CD37: variants seen among roughly 807,000 people sequenced by gnomAD.
CD37 encodes the protein CD37 molecule.
CD37 carries 37 observed loss-of-function variants against 38.9 expected under a neutral mutation model. The observed-to-expected ratio is 0.95, with a 90% confidence interval of 0.73 to 1.25. The LOEUF (loss-of-function observed/expected upper bound fraction) is 1.25. CD37 is among the 50% of genes most tolerant of loss of function. The pLI, the probability that CD37 is intolerant of heterozygous loss-of-function variation, is 0.00. For synonymous variants in CD37, 146 were observed against 150.1 expected, an observed-to-expected ratio of 0.97 and a Z score of 0.20; for missense variants, 351 against 360.1, an observed-to-expected ratio of 0.97 and a Z score of 0.20.
Position 49,337,015 on chromosome 19 carries a change from C to G in CD37, c.249C>G (p.Leu83=). Residue 83 remains leucine (L), a synonymous_variant, in exon 3 of 8, where the codon CTC becomes CTG. Coordinates refer to ENST00000323906, the MANE Select transcript of CD37 (RefSeq NM_001774.3). ...LLGCVGALKE[L]RCLLGLYFGM... ...GTTGTGTGGGGGCCCTCAAGGAGCT[C>G]CGCTGCCTCCTGGGCCTGGTGAGTG... The G allele has an allele frequency of 1.2e-6, 2 of 1,613,364 alleles. No individual in the cohort carries two copies. The highest frequency in any genetic ancestry group is 2.7e-5 in the African/African-American group (2 of 75,066).
In CD37 at chr19:49,339,697, G is replaced by A. The variant is rs1971130318; in HGVS notation, c.768+284G>A. 28 of 1,411,588 alleles carry A rather than the reference G, an allele frequency of 2.0e-5. No individual in the cohort carries two copies. The highest frequency in any genetic ancestry group is 2.1e-5 in the Non-Finnish European group (23 of 1,088,532). 87.4% of individuals were successfully genotyped at this position (1,411,588 alleles called of 1,614,324 possible). A position where few individuals can be genotyped will look rare whatever the true frequency, so the allele number is the denominator to read the frequency against. ...GCTGAGCGTACAGCTACAGCGCAGG[G>A]CACTCCGCCGGAAATGCGAGCCGCA... On this transcript the variant is annotated intron_variant, in intron 7 of 7. Transcript: ENST00000323906. The surrounding 1 kb of genome is among the most constrained non-coding windows in gnomAD (Gnocchi z 4.5).
In CD37 at chr19:49,335,563, T is replaced by G. The variant is rs992406929; in HGVS notation, c.23T>G (p.Leu8Arg). 1.9e-6 allele frequency: 3 copies of G among 1,614,010 alleles called. No homozygotes were observed. The highest frequency in any genetic ancestry group is 2.5e-6 in the Non-Finnish European group (3 of 1,179,910). ...AAGATGTCAGCCCAGGAGAGCTGCCTCAGCCTCATCAAGTACTTCCTCTTC... is the reference window on the plus strand; with the variant it reads ...AAGATGTCAGCCCAGGAGAGCTGCCGCAGCCTCATCAAGTACTTCCTCTTC... MSAQESC[L>R]SLIKYFLFVF... Residue 8 changes from leucine (L) to arginine (R), a missense_variant, in exon 1 of 8, where the codon CTC becomes CGC. Leu to Arg is a moderately radical substitution (Grantham distance 102, BLOSUM62 -2). Coordinates refer to ENST00000323906, the MANE Select transcript of CD37 (RefSeq NM_001774.3). This position sits in a 1 kb window ranked among gnomAD's most constrained non-coding sequence, Gnocchi z 4.6.
rs140821686 is a variant in CD37, at chr19:49,336,988, G to A, written c.222G>A (p.Leu74=). The A allele has an allele frequency of 3.7e-5, 60 of 1,613,842 alleles. No homozygotes were observed. Among genetic ancestry groups the A allele is most frequent in the Non-Finnish European group, 5.1e-5 (60 of 1,179,882 alleles). ...SGIFTMGIAL[L]GCVGALKELR... ...TCTTCACCATGGGCATCGCCCTCCT[G>A]GGTTGTGTGGGGGCCCTCAAGGAGC... The change falls in exon 3 of 8, where the codon CTG becomes CTA. Residue 74 remains leucine (L), a synonymous_variant. Coordinates refer to ENST00000323906, the MANE Select transcript of CD37 (RefSeq NM_001774.3).
At chr19:49,337,311 G>C in intron 4 of CD37, 90 bp downstream of exon 4, 2 of 1,207,324 alleles carry the variant, frequency 1.7e-6, no homozygotes, top group Middle Eastern at 1.9e-4. Context: ...CCGAAACAAG[G>C]GCAGACAGGG....
intron 4 of CD37, 79 bp from the exon 5 acceptor site, chr19:49,337,846 C>T (rs1971015845): frequency 3.1e-6 from 5 of 1,599,306 alleles, no homozygotes; most frequent in Non-Finnish European, 3.4e-6. Flanking sequence ...GCACAGGGCC[C>T]GCCTGAGGCT....
In CD37 at chr19:49,338,325, GCTTCCTA is replaced by G. The variant is rs1175587306; in HGVS notation, c.447+298_447+304del. ...AGTCCCAAGACCCTAGCGAGACACGGCTTCCTACCCCGTAGTGACTCTGGCTTCCACC... is the reference window on the plus strand; with the variant it reads ...AGTCCCAAGACCCTAGCGAGACACGGCCCCGTAGTGACTCTGGCTTCCACC... On this transcript the variant is annotated intron_variant, in intron 5 of 7. Coordinates refer to ENST00000323906, the MANE Select transcript of CD37 (RefSeq NM_001774.3). The surrounding 1 kb of genome is among the most constrained non-coding windows in gnomAD (Gnocchi z 5.0). The G allele has an allele frequency of 2.9e-6, 2 of 696,330 alleles. No individual in the cohort carries two copies. Among genetic ancestry groups the G allele is most frequent in the East Asian group, 5.9e-5 (2 of 33,694 alleles). 43.1% of individuals were successfully genotyped at this position (696,330 alleles called of 1,614,324 possible). A position where few individuals can be genotyped will look rare whatever the true frequency, so the allele number is the denominator to read the frequency against.
At position 49,339,013 on chromosome 19, in the gene CD37, G is replaced by T; in HGVS notation, c.684+77G>T. The T allele has an allele frequency of 8.3e-7, 1 of 1,201,732 alleles. No individual in the cohort carries two copies. 74.4% of individuals were successfully genotyped at this position (1,201,732 alleles called of 1,614,324 possible). A position where few individuals can be genotyped will look rare whatever the true frequency, so the allele number is the denominator to read the frequency against. On this transcript the variant is annotated intron_variant, in intron 6 of 7. Transcript: ENST00000323906. This position sits in a 1 kb window ranked among gnomAD's most constrained non-coding sequence, Gnocchi z 4.5. ...AGGGGGAGGGCTGTCAGTGAGTAGC[G>T]GCCTGAGAAAGGGCGGGGTCTACGA...
Position 49,340,253 on chromosome 19 carries a change from CG to C in CD37, c.774del (p.Phe259SerfsTer2), listed in dbSNP as rs1568553061. 5.0e-6 allele frequency: 8 copies of C among 1,612,996 alleles called. No individual in the cohort carries two copies. The highest frequency in any genetic ancestry group is 6.8e-6 in the Non-Finnish European group (8 of 1,179,324). On this transcript the variant is annotated frameshift_variant, in exon 8 of 8. Transcript: ENST00000323906. LOFTEE classifies it high-confidence loss of function. ...GACCTCATCTCCTTTCTCTATAGCT[CG>C]GGTTCATGACGCTCTCGATATTCCT... is the stretch of plus-strand genomic sequence containing the variant. The part of the protein sequence containing the change: ...ICLGVGLLEL[G>X]FMTLSIFLCR...
chr19:49,338,230 C>G lies in CD37; in HGVS notation c.447+201C>G. On this transcript the variant is annotated intron_variant, in intron 5 of 7. Coordinates refer to ENST00000323906, the MANE Select transcript of CD37 (RefSeq NM_001774.3). This position sits in a 1 kb window ranked among gnomAD's most constrained non-coding sequence, Gnocchi z 5.0. ...TGGTCTCCCAGTACCCAGACCCTGG[C>G]GTGGCTTCGCCATCTACCTCGAGAG... 7.0e-7 allele frequency: 1 copy of G among 1,421,974 alleles called. No individual in the cohort carries two copies. The allele number at this position is 1,421,974 out of a possible 1,614,324, so 88.1% of individuals were successfully genotyped here.
chr19:49,339,743 C>G lies in CD37; in HGVS notation c.768+330C>G. The G allele has an allele frequency of 7.2e-7, 1 of 1,385,208 alleles. No individual in the cohort carries two copies. Among genetic ancestry groups the G allele is most frequent in the Non-Finnish European group, 9.3e-7 (1 of 1,073,404 alleles). 85.8% of individuals were successfully genotyped at this position (1,385,208 alleles called of 1,614,324 possible). On this transcript the variant is annotated intron_variant, in intron 7 of 7. Coordinates refer to ENST00000323906, the MANE Select transcript of CD37 (RefSeq NM_001774.3). This position sits in a 1 kb window ranked among gnomAD's most constrained non-coding sequence, Gnocchi z 4.5. ...CCGCACGTGCCGGGCGCTGGGGATT[C>G]GAGCCCCGGGCCCAGCCTGATCGCT...
chr19:49,339,562 A>T lies in CD37; in HGVS notation c.768+149A>T. 19 of 1,461,754 alleles carry T rather than the reference A, an allele frequency of 1.3e-5. No individual in the cohort carries two copies. Among genetic ancestry groups the T allele is most frequent in the Non-Finnish European group, 1.7e-5 (19 of 1,102,920 alleles). The allele number at this position is 1,461,754 out of a possible 1,614,324, so 90.5% of individuals were successfully genotyped here. A position where few individuals can be genotyped will look rare whatever the true frequency, so the allele number is the denominator to read the frequency against. ...CTCCCGCCGCTCCACCCAGCACCGG[A>T]GGGTGGGGGCGGCCCAGCTTCAGGG... is the stretch of plus-strand genomic sequence containing the variant. On this transcript the variant is annotated intron_variant, in intron 7 of 7. Transcript: ENST00000323906. This position sits in a 1 kb window ranked among gnomAD's most constrained non-coding sequence, Gnocchi z 4.5.
At chr19:49,336,832 G>A in intron 2 of CD37, 77 bp from the exon 3 acceptor site, 2 of 1,545,928 alleles carry the variant, frequency 1.3e-6, no homozygotes, top group Non-Finnish European at 1.8e-6. Context: ...CCCCACTTGG[G>A]TGGCTGCCTA....
chr19:49,339,699 A>T lies in CD37; in HGVS notation c.768+286A>T. On this transcript the variant is annotated intron_variant, in intron 7 of 7. Transcript: ENST00000323906. This position sits in a 1 kb window ranked among gnomAD's most constrained non-coding sequence, Gnocchi z 4.5. Reference sequence around the variant, plus strand: ...TGAGCGTACAGCTACAGCGCAGGGCACTCCGCCGGAAATGCGAGCCGCACG... The same window carrying T: ...TGAGCGTACAGCTACAGCGCAGGGCTCTCCGCCGGAAATGCGAGCCGCACG... 1 of 1,401,296 alleles carries T rather than the reference A, an allele frequency of 7.1e-7. No individual in the cohort carries two copies. The highest frequency in any genetic ancestry group is 9.2e-7 in the Non-Finnish European group (1 of 1,083,020). 86.8% of individuals were successfully genotyped at this position (1,401,296 alleles called of 1,614,324 possible).
At chr19:49,337,315 G>A in intron 4 of CD37, 94 bp downstream of exon 4, 1 of 1,212,384 alleles carries the variant, frequency 8.2e-7, no homozygotes, top group Non-Finnish European at 1.2e-6. Context: ...AACAAGGGCA[G>A]ACAGGGGCTA....
Position 49,340,298 on chromosome 19 carries a change from C to G in CD37, c.816C>G (p.His272Gln). 1 of 1,613,818 alleles carries G rather than the reference C, an allele frequency of 6.2e-7. No homozygotes were observed. Among genetic ancestry groups the G allele is most frequent in the African/African-American group, 1.3e-5 (1 of 75,020 alleles). The change falls in exon 8 of 8, where the codon CAC (histidine) becomes CAG (glutamine). Residue 272 changes from histidine (H) to glutamine (Q), a missense_variant. Physicochemically the swap from His to Gln is conservative, Grantham distance 24. Transcript: ENST00000323906. ...TATTCCTGTGCAGAAACCTGGACCA[C>G]GTCTACAACCGGCTCGCTCGATACC... ...LSIFLCRNLD[H>Q]VYNRLARYR
intron 7 of CD37, 68 bp from the exon 8 acceptor site, chr19:49,340,183 G>A (rs780971385): frequency 5.7e-6 from 7 of 1,235,932 alleles, no homozygotes; most frequent in Non-Finnish European, 4.5e-6. Flanking sequence ...TTTCTCGCCC[G>A]GGTGGGCATC....
chr19:49,335,476 C>G lies in CD37; in HGVS notation c.-65C>G. 8.9e-7 allele frequency: 1 copy of G among 1,119,242 alleles called. No individual in the cohort carries two copies. The highest frequency in any genetic ancestry group is 1.4e-6 in the Non-Finnish European group (1 of 733,802). The allele number at this position is 1,119,242 out of a possible 1,614,324, so 69.3% of individuals were successfully genotyped here. A position where few individuals can be genotyped will look rare whatever the true frequency, so the allele number is the denominator to read the frequency against. On this transcript the variant is annotated 5_prime_UTR_variant, in exon 1 of 8. Transcript: ENST00000323906. This position sits in a 1 kb window ranked among gnomAD's most constrained non-coding sequence, Gnocchi z 4.6. Reference sequence around the variant, plus strand: ...TCTCTCTCAGCCTCTTTCTTTCTCCCTGTCTCCCCCACTGTCAGCACCTCT... The same window carrying G: ...TCTCTCTCAGCCTCTTTCTTTCTCCGTGTCTCCCCCACTGTCAGCACCTCT...
Position 49,340,245 on chromosome 19 carries a change from C to CTAT in CD37, c.769-5_769-3dup, listed in dbSNP as rs753161503. 10 of 1,612,178 alleles carry CTAT rather than the reference C, an allele frequency of 6.2e-6. No homozygotes were observed. Among genetic ancestry groups the CTAT allele is most frequent in the Non-Finnish European group, 7.6e-6 (9 of 1,178,732 alleles). ...ACTTCTCTGACCTCATCTCCTTTCTCTATAGCTCGGGTTCATGACGCTCTC... is the reference window on the plus strand; with the variant it reads ...ACTTCTCTGACCTCATCTCCTTTCTCTATTATAGCTCGGGTTCATGACGCTCTC... On this transcript the variant is annotated splice_region_variant and splice_polypyrimidine_tract_variant and intron_variant, in intron 7 of 7. Coordinates refer to ENST00000323906, the MANE Select transcript of CD37 (RefSeq NM_001774.3).
At chr19:49,340,167 CT>C (rs1971166965) in intron 7 of CD37, 83 bp from the exon 8 acceptor site, 6 of 1,522,374 alleles carry the variant, frequency 3.9e-6, no homozygotes, top group Non-Finnish European at 5.4e-6. Context: ...GGCCCCACCC[CT>C]GACCTTTCTC....
Sources: gnomAD v4.1 joint callset for allele counts on GRCh38, gnomAD v4.1.1 for gene constraint, Gnocchi (gnomAD v3.1) non-coding constraint, MANE v1.5 for transcripts, NCBI Gene and HGNC (gene_info 2026-07-23, HGNC 2026-07-21) for gene names.